The following BRSK2 variants were observed in gnomAD, a reference collection of about 807,000 sequenced individuals.
The protein encoded by BRSK2 is BR serine/threonine kinase 2.
BRSK2 carries 19 observed loss-of-function variants against 83.3 expected under a neutral mutation model. The ratio of observed to expected loss-of-function variants is 0.23; its 90% CI spans 0.16 to 0.33. BRSK2 has a LOEUF of 0.33. Ranked by LOEUF, BRSK2 falls within the 10% of genes least tolerant of loss-of-function variation. The probability of loss-of-function intolerance (pLI) is 1.00; values close to 1 mark genes in which losing one functional copy is unlikely to be tolerated. For synonymous variants in BRSK2, 519 were observed against 435.4 expected (o/e 1.19, Z -2.39); for missense variants, 798 against 1,042.3 (o/e 0.77, Z 3.23).
intron 8 of BRSK2, among the ~76,000 whole-genome samples, chr11:1,444,295 C>T (rs1851731874): frequency 6.6e-6 from 1 of 152,134 alleles, no homozygotes; most frequent in African/African-American, 2.4e-5. Flanking sequence ...CTGACCTCCT[C>T]CAGGGCTGCC....
rs746234744 is a variant in BRSK2 at position 1,443,361 on chromosome 11, G to A, written c.591G>A (p.Ala197=). The A allele has an allele frequency of 3.7e-5, 59 of 1,608,510 alleles. No individual in the cohort carries two copies. Among genetic ancestry groups the A allele is most frequent in the Non-Finnish European group, 4.3e-5 (51 of 1,178,518 alleles). ...IRGEKYDGRK[A]DVWSCGVILF... is the part of the protein sequence containing the mutation. ...GGGAGAAGTATGACGGCCGGAAGGC[G>A]GACGTGTGGAGCTGCGGCGTCATCC... is the stretch of plus-strand genomic sequence containing the variant. Residue 197 remains alanine (A), a synonymous_variant, in exon 7 of 20, where the codon GCG becomes GCA. Transcript: ENST00000528841.
rs772727251 is a variant in BRSK2, at chr11:1,419,682, G to A, written c.92-16358G>A. Among the ~76,000 whole-genome samples the A allele has an allele frequency of 5.9e-5, 9 of 152,324 alleles. No homozygotes were observed. The South Asian group carries it at 6.2e-4, about 11-fold the overall frequency. ...TCCCAGCACTTTGGGGGGCCATGGC[G>A]GGGCCTCACTTGAGGTCTGTGGTTT... On this transcript the variant is annotated intron_variant, in intron 1 of 19. Transcript: ENST00000528841.
chr11:1,446,037 ACTGGGCTTAGCTGGGCTGGGCTGGG>A (rs1277056959), intron 12 of BRSK2, 130 bp downstream of exon 12: 38 of 1,034,038 alleles, frequency 3.7e-5, no homozygotes, highest in South Asian at 5.0e-5. Context: ...TATGGGCTAA[ACTGGGCTTAGCTGGGCTGGGCTGGG>A]CTGGGCTTGG....
chr11:1,400,773 C>T (rs549843568), intron 1 of BRSK2, among the ~76,000 whole-genome samples: 7 of 152,316 alleles, frequency 4.6e-5, no homozygotes, highest in African/African-American at 1.7e-4. Flanking sequence ...CCTGCGGCCA[C>T]CCACCCCGGA....
At chr11:1,392,338 G>A (rs1554884332) in intron 1 of BRSK2, among the ~76,000 whole-genome samples, 4 of 152,350 alleles carry the variant, frequency 2.6e-5, no homozygotes, top group South Asian at 4.1e-4. Flanking sequence ...CGTTGAGAAC[G>A]CTTCTCCTTC....
chr11:1,459,152 T>A, intron 18 of BRSK2, 40 bp from the exon 19 acceptor site: 1 of 1,608,240 alleles, frequency 6.2e-7, no homozygotes, highest in East Asian at 2.2e-5. Flanking sequence ...GGACAGCCTT[T>A]CACTCACTCC....
At chr11:1,425,230 C>G (rs963072808) in intron 1 of BRSK2, among the ~76,000 whole-genome samples, 1 of 152,214 alleles carries the variant, frequency 6.6e-6, no homozygotes, top group East Asian at 1.9e-4. Flanking sequence ...CGGCTTAAGG[C>G]CTCTCAGGTG....
intron 7 of BRSK2, 29 bp downstream of exon 7, chr11:1,443,432 C>T: frequency 6.3e-7 from 1 of 1,584,974 alleles, no homozygotes; most frequent in Non-Finnish European, 8.6e-7. Context: ...CAACCCTGCC[C>T]TGGCCTCTCC....
At chr11:1,412,998 C>T (rs568563016) in intron 1 of BRSK2, among the ~76,000 whole-genome samples, 5 of 152,268 alleles carry the variant, frequency 3.3e-5, no homozygotes, top group East Asian at 3.9e-4. Flanking sequence ...TCACTGCAGG[C>T]GCTGCCCCCG....
chr11:1,450,917 C>T (rs1845742976), intron 14 of BRSK2, 123 bp downstream of exon 14: 14 of 954,708 alleles, frequency 1.5e-5, no homozygotes, highest in Non-Finnish European at 1.7e-5. Flanking sequence ...GTGGCCTGGG[C>T]CTGCCCACGT....
chr11:1,428,525 A>G (rs1362709098), intron 1 of BRSK2, among the ~76,000 whole-genome samples: 2 of 152,216 alleles, frequency 1.3e-5, no homozygotes, highest in Non-Finnish European at 2.9e-5. Context: ...CAGCGCCTGG[A>G]GCAAGGCCAG....
intron 12 of BRSK2, among the ~76,000 whole-genome samples, chr11:1,449,069 G>A (rs905320527): frequency 3.3e-5 from 5 of 152,230 alleles, no homozygotes; most frequent in Admixed American, 1.3e-4. Context: ...GCGCCGGCTC[G>A]TCCGTGCAGT....
intron 1 of BRSK2, among the ~76,000 whole-genome samples, chr11:1,433,969 C>T (rs1849932922): frequency 6.6e-6 from 1 of 152,226 alleles, no homozygotes; most frequent in Admixed American, 6.5e-5. Context: ...CGTGACGCCA[C>T]ACAGATGAAA....
intron 1 of BRSK2, among the ~76,000 whole-genome samples, chr11:1,417,570 G>T (rs1309680865): frequency 6.1e-5 from 9 of 146,932 alleles, no homozygotes; most frequent in Non-Finnish European, 1.0e-4. Context: ...TTGAGAGTGG[G>T]TCACACTGTG....
At position 1,450,821 on chromosome 11, in the gene BRSK2, G is replaced by T. The variant is rs200041505; in HGVS notation, c.1495+27G>T. 1.6e-5 allele frequency: 25 copies of T among 1,567,984 alleles called. No individual in the cohort carries two copies. In the African/African-American group the frequency reaches 3.0e-4, roughly 19 times the overall value. Reference sequence around the variant, plus strand: ...TGAGTGTCTGCCCGGAGGCGCCAGAGTGGGGCTGGGAGAGAGCAGAGGCTG... The same window carrying T: ...TGAGTGTCTGCCCGGAGGCGCCAGATTGGGGCTGGGAGAGAGCAGAGGCTG... On this transcript the variant is annotated intron_variant, in intron 14 of 19. Coordinates refer to ENST00000528841, the MANE Select transcript of BRSK2 (RefSeq NM_001256627.2).
rs975540511 is a variant in BRSK2 at position 1,454,611 on chromosome 11, GAGGCCAC to G, written c.1668+7_1668+13del. 10 of 1,612,578 alleles carry G rather than the reference GAGGCCAC, an allele frequency of 6.2e-6. No individual in the cohort carries two copies. Among genetic ancestry groups the G allele is most frequent in the Non-Finnish European group, 8.5e-6 (10 of 1,179,882 alleles). On this transcript the variant is annotated splice_donor_5th_base_variant and intron_variant, in intron 16 of 19. Coordinates refer to ENST00000528841, the MANE Select transcript of BRSK2 (RefSeq NM_001256627.2). This position sits in a 1 kb window ranked among gnomAD's most constrained non-coding sequence, Gnocchi z 5.2. ...ACATCGTGCACGCCTTCCTGTCGGT[GAGGCCAC>G]AGGGCGCTGGGGGAGGCGGGCAGCC...
In BRSK2 at chr11:1,460,732, G is replaced by GCC. The variant is rs34875491; in HGVS notation, c.*19_*20dup. The stretch of plus-strand genomic sequence containing the variant: ...GCCGCGAGCAGCCTTAGACACACTA[G>GCC]CCCCCCCCCCCAGCACAGCACTGAC... On this transcript the variant is annotated 3_prime_UTR_variant, in exon 20 of 20. Transcript: ENST00000528841. 40,981 of 1,264,640 alleles carry GCC rather than the reference G, an allele frequency of 0.032. 295 individuals are homozygous for GCC. The highest frequency in any genetic ancestry group is 0.036 in the Admixed American group (1,120 of 31,198). 78.3% of individuals were successfully genotyped at this position (1,264,640 alleles called of 1,614,324 possible).
intron 19 of BRSK2, 53 bp downstream of exon 19, chr11:1,459,292 C>T: frequency 5.6e-6 from 9 of 1,602,772 alleles, no homozygotes; most frequent in South Asian, 3.3e-5. Flanking sequence ...TCACCGCTCA[C>T]CCTCAGCCCG....
Position 1,390,204 on chromosome 11 carries a change from C to T in BRSK2, c.-81C>T. 1.3e-6 allele frequency: 1 copy of T among 773,226 alleles called. No individual in the cohort carries two copies. Among genetic ancestry groups the T allele is most frequent in the Non-Finnish European group, 1.6e-6 (1 of 639,548 alleles). 47.9% of individuals were successfully genotyped at this position (773,226 alleles called of 1,614,324 possible). ...CGGCCGGGTCGGCGCGGACGGCACT[C>T]GGCGGACGCGGGCGGACGCTGGGCG... is the stretch of plus-strand genomic sequence containing the variant. On this transcript the variant is annotated 5_prime_UTR_variant, in exon 1 of 20. Coordinates refer to ENST00000528841, the MANE Select transcript of BRSK2 (RefSeq NM_001256627.2). This position sits in a 1 kb window ranked among gnomAD's most constrained non-coding sequence, Gnocchi z 6.8.
Sources: allele counts gnomAD v4.1 joint callset (sites outside exome capture counted in the v4.1 genomes callset), GRCh38; gene constraint gnomAD v4.1.1; non-coding constraint Gnocchi (gnomAD v3.1); transcripts MANE v1.5; gene names NCBI Gene and HGNC (gene_info 2026-07-23, HGNC 2026-07-21).